The following TEAD1 variants were observed in gnomAD, a reference collection of about 807,000 sequenced individuals.
TEAD1 encodes transcriptional enhancer factor TEF-1.
In TEAD1, 9 loss-of-function variants were observed where a neutral mutation model predicts 54.9. That is an observed-to-expected ratio of 0.16 (90% CI 0.10 to 0.29). TEAD1 has a LOEUF of 0.29. Ranked by LOEUF, TEAD1 falls within the 10% of genes least tolerant of loss-of-function variation. The probability of loss-of-function intolerance (pLI) is 1.00; values close to 1 mark genes in which losing one functional copy is unlikely to be tolerated. For synonymous variants in TEAD1, 200 were observed against 187.8 expected, an observed-to-expected ratio of 1.07 and a Z score of -0.53; for missense variants, 387 against 535.9, an observed-to-expected ratio of 0.72 and a Z score of 2.74.
At chr11:12,744,931 A>G (rs765724078) in intron 2 of TEAD1, among the ~76,000 whole-genome samples, 5 of 152,102 alleles carry the variant, frequency 3.3e-5, no homozygotes, top group Non-Finnish European at 7.4e-5. Flanking sequence ...GAAAGGTTCT[A>G]CTTGGCTTCT....
chr11:12,893,319 G>A (rs771934986), intron 9 of TEAD1, among the ~76,000 whole-genome samples: 1 of 152,168 alleles, frequency 6.6e-6, no homozygotes, highest in African/African-American at 2.4e-5. Context: ...TGATGGCTCA[G>A]TGTGGAGCAC....
chr11:12,785,562 A>G (rs1435758009), intron 3 of TEAD1, among the ~76,000 whole-genome samples: 1 of 152,168 alleles, frequency 6.6e-6, no homozygotes, highest in African/African-American at 2.4e-5. Flanking sequence ...AGGATATATA[A>G]TCTTCCTTCC....
At chr11:12,675,605 G>T (rs1943066980) in intron 2 of TEAD1, 44 bp downstream of exon 2, 1 of 152,228 alleles carries the variant, frequency 6.6e-6, no homozygotes, top group African/African-American at 2.4e-5. Flanking sequence ...GAAGAGAAAT[G>T]ATCCCCGGGG....
At chr11:12,762,947 G>A (rs568607149) in intron 2 of TEAD1, among the ~76,000 whole-genome samples, 1 of 152,256 alleles carries the variant, frequency 6.6e-6, no homozygotes, top group Admixed American at 6.5e-5. Flanking sequence ...ATTTGATGGG[G>A]TGAGAAGGGG....
intron 3 of TEAD1, among the ~76,000 whole-genome samples, chr11:12,776,909 C>A (rs1313105367): frequency 1.3e-5 from 2 of 151,840 alleles, no homozygotes; most frequent in African/African-American, 4.8e-5. Context: ...ATTCTCCTGC[C>A]TCAGCCTCCG....
chr11:12,940,748 C>T lies in TEAD1; in HGVS notation c.*3526C>T, dbSNP rs970056402. 1 of 152,172 alleles carries T rather than the reference C, an allele frequency of 6.6e-6. No individual in the cohort carries two copies. Among genetic ancestry groups the T allele is most frequent in the Non-Finnish European group, 1.5e-5 (1 of 68,038 alleles). The allele number at this position is 152,172 out of a possible 1,614,324, so 9.4% of individuals were successfully genotyped here. On this transcript the variant is annotated 3_prime_UTR_variant, in exon 13 of 13. Coordinates refer to ENST00000527636, the MANE Select transcript of TEAD1 (RefSeq NM_021961.6). Reference sequence around the variant, plus strand: ...AGTCTCAGCAATTTTCATTATTTCTCGTGGGTCTCATTATCAAACCTTTAC... The same window carrying T: ...AGTCTCAGCAATTTTCATTATTTCTTGTGGGTCTCATTATCAAACCTTTAC...
At chr11:12,872,966 G>A (rs1003552900) in intron 5 of TEAD1, among the ~76,000 whole-genome samples, 2 of 152,184 alleles carry the variant, frequency 1.3e-5, no homozygotes, top group Admixed American at 1.3e-4. Flanking sequence ...AGGACACAGA[G>A]GCGTGGAATG....
rs548346952 is a variant in TEAD1, at chr11:12,901,806, A to C, written c.700-134A>C. On this transcript the variant is annotated intron_variant, in intron 9 of 12. Transcript: ENST00000527636. Reference sequence around the variant, plus strand: ...CTTTTCTAAACATACTCATCATTTCAAAAGCATTGATCCTGGACTGGAAGG... The same window carrying C: ...CTTTTCTAAACATACTCATCATTTCCAAAGCATTGATCCTGGACTGGAAGG... The C allele has an allele frequency of 8.0e-6, 8 of 1,001,942 alleles. No homozygotes were observed. In the African/African-American group the frequency reaches 1.3e-4, roughly 16 times the overall value. 62.1% of individuals were successfully genotyped at this position (1,001,942 alleles called of 1,614,324 possible).
chr11:12,836,755 A>G (rs1014331242), intron 3 of TEAD1, among the ~76,000 whole-genome samples: 2 of 152,214 alleles, frequency 1.3e-5, no homozygotes, highest in Non-Finnish European at 2.9e-5. Flanking sequence ...TGTGCTGACT[A>G]TTCCACCAAC....
chr11:12,851,654 G>A (rs916967525), intron 3 of TEAD1, among the ~76,000 whole-genome samples: 1 of 152,144 alleles, frequency 6.6e-6, no homozygotes, highest in South Asian at 2.1e-4. Context: ...CAAAAAGTTA[G>A]CCAGACATGG....
At chr11:12,844,930 G>GT (rs1947109939) in intron 3 of TEAD1, among the ~76,000 whole-genome samples, 1 of 144,642 alleles carries the variant, frequency 6.9e-6, no homozygotes, top group African/African-American at 2.5e-5. Flanking sequence ...CTTTCTCCTG[G>GT]TTCCTGCCCT....
intron 3 of TEAD1, chr11:12,851,095 C>T: frequency 1.0e-6 from 1 of 982,924 alleles, no homozygotes; most frequent in Non-Finnish European, 1.2e-6. Flanking sequence ...TGAGCTCCTT[C>T]ATTCATTTAT....
At chr11:12,810,010 T>G (rs1946265053) in intron 3 of TEAD1, among the ~76,000 whole-genome samples, 1 of 122,038 alleles carries the variant, frequency 8.2e-6, no homozygotes, top group Non-Finnish European at 1.6e-5. Context: ...AGATGGAGCC[T>G]CCCTCTGTCG....
At chr11:12,768,416 G>A (rs1945250847) in intron 3 of TEAD1, among the ~76,000 whole-genome samples, 1 of 152,180 alleles carries the variant, frequency 6.6e-6, no homozygotes, top group Non-Finnish European at 1.5e-5. Flanking sequence ...ACAAAGAAGT[G>A]CTCTCTGCCA....
chr11:12,694,102 C>T (rs909567435), intron 2 of TEAD1, among the ~76,000 whole-genome samples: 5 of 152,228 alleles, frequency 3.3e-5, no homozygotes, highest in Admixed American at 2.0e-4. Flanking sequence ...CCAGGAAAGG[C>T]GGCAGGCTGA....
intron 5 of TEAD1, among the ~76,000 whole-genome samples, chr11:12,866,047 A>G (rs2134073497): frequency 6.6e-6 from 1 of 152,254 alleles, no homozygotes; most frequent in South Asian, 2.1e-4. Context: ...ATTAGGAAGG[A>G]GCATTTGGTG....
At chr11:12,900,088 T>C (rs1027652111) in intron 9 of TEAD1, among the ~76,000 whole-genome samples, 1 of 152,204 alleles carries the variant, frequency 6.6e-6, no homozygotes, top group Non-Finnish European at 1.5e-5. Context: ...AGAGACAAGG[T>C]CTTACTGTGT....
In TEAD1 at chr11:12,914,848, T is replaced by C. The variant is rs998025353; in HGVS notation, c.874-10064T>C. On this transcript the variant is annotated intron_variant, in intron 10 of 12. Coordinates refer to ENST00000527636, the MANE Select transcript of TEAD1 (RefSeq NM_021961.6). ...GCCGAGCCTTACCATGTGGCAGGCC[T>C]GGACGGCTGCCCGCCACAGGGCCCA... Among the ~76,000 whole-genome samples, 15 of 152,056 alleles carry C rather than the reference T, an allele frequency of 9.9e-5. 1 individual carries two copies. The highest frequency in any genetic ancestry group is 9.2e-4 in the Admixed American group (14 of 15,286).
chr11:12,694,853 G>A (rs886937367), intron 2 of TEAD1, among the ~76,000 whole-genome samples: 1 of 152,162 alleles, frequency 6.6e-6, no homozygotes, highest in East Asian at 1.9e-4. Context: ...AGTTCTGATA[G>A]AAGTCTAAAA....
Sources: gnomAD v4.1 joint callset for allele counts (sites outside exome capture counted in the v4.1 genomes callset) on GRCh38, gnomAD v4.1.1 for gene constraint, MANE v1.5 for transcripts, NCBI Gene and HGNC (gene_info 2026-07-23, HGNC 2026-07-21) for gene names.